The following MLLT10 variants were observed in gnomAD, a reference collection of about 807,000 sequenced individuals.
MLLT10 encodes the protein protein AF-10.
Under a neutral mutation model 129.1 loss-of-function variants are expected in MLLT10, and 30 were observed. The observed-to-expected ratio is 0.23, with a 90% CI of 0.17 to 0.32. The LOEUF (loss-of-function observed/expected upper bound fraction) is 0.32, where lower values mean the gene tolerates loss of function less well. MLLT10 is among the 10% of genes least tolerant of loss of function. The probability of loss-of-function intolerance (pLI) is 1.00; values close to 1 mark genes in which losing one functional copy is unlikely to be tolerated. For missense variants in MLLT10, 1,119 were observed against 1,268.3 expected, an observed-to-expected ratio of 0.88 and a Z score of 1.79; for synonymous variants, 490 against 446.4, an observed-to-expected ratio of 1.10 and a Z score of -1.23.
intron 13 of MLLT10, among the ~76,000 whole-genome samples, chr10:21,698,429 C>T (rs558984502): frequency 3.9e-5 from 6 of 152,244 alleles, no homozygotes; most frequent in African/African-American, 9.6e-5. Flanking sequence ...AATAGTATTC[C>T]ACTGTGTGTA....
intron 2 of MLLT10, among the ~76,000 whole-genome samples, chr10:21,535,229 C>T (rs2033719037): frequency 6.6e-6 from 1 of 152,236 alleles, no homozygotes; most frequent in African/African-American, 2.4e-5. Flanking sequence ...GGCCTGCAGC[C>T]GCCTGTCTGC....
At chr10:21,589,470 G>T (rs2042295770) in intron 4 of MLLT10, among the ~76,000 whole-genome samples, 1 of 151,886 alleles carries the variant, frequency 6.6e-6, no homozygotes, top group South Asian at 2.1e-4. Flanking sequence ...GGAATTACAG[G>T]AATGAGCCAC....
intron 17 of MLLT10, among the ~76,000 whole-genome samples, 174 bp from the exon 18 acceptor site, chr10:21,732,725 T>G (rs1254838265): frequency 6.6e-6 from 1 of 152,214 alleles, no homozygotes; most frequent in Non-Finnish European, 1.5e-5. Flanking sequence ...CAAACATAGA[T>G]AGGCAATTTA....
chr10:21,535,101 C>T (rs1441505983), intron 2 of MLLT10, among the ~76,000 whole-genome samples: 25 of 135,388 alleles, frequency 1.8e-4, no homozygotes, highest in African/African-American at 6.3e-4. Flanking sequence ...GCGGCCGCGC[C>T]CTCGAGATCT....
intron 3 of MLLT10, among the ~76,000 whole-genome samples, chr10:21,549,361 T>C (rs1022636591): frequency 1.3e-5 from 2 of 152,130 alleles, no homozygotes; most frequent in Non-Finnish European, 2.9e-5. Flanking sequence ...CCGCCCGCCT[T>C]GGCCTCCCAA....
intron 3 of MLLT10, among the ~76,000 whole-genome samples, chr10:21,562,818 G>GTTT (rs1163404490): frequency 9.7e-5 from 8 of 82,594 alleles, no homozygotes; most frequent in East Asian, 3.4e-4. Flanking sequence ...TGTTTTTTTT[G>GTTT]TTTTTTTTTT....
intron 18 of MLLT10, 86 bp from the exon 19 acceptor site, chr10:21,733,418 C>T (rs1375049840): frequency 2.3e-6 from 2 of 855,252 alleles, no homozygotes; most frequent in Non-Finnish European, 3.4e-6. Context: ...CGGGCTTCAG[C>T]ATAAGCTTTT....
At chr10:21,565,035 C>T (rs2039377659) in intron 3 of MLLT10, among the ~76,000 whole-genome samples, 1 of 151,956 alleles carries the variant, frequency 6.6e-6, no homozygotes, top group Non-Finnish European at 1.5e-5. Flanking sequence ...TTTTCTTTTA[C>T]ATATTTTGTA....
chr10:21,605,040 AGCCACTTCACTGCAGCCTAG>A (rs1389591701), intron 5 of MLLT10, among the ~76,000 whole-genome samples: 4 of 151,704 alleles, frequency 2.6e-5, no homozygotes, highest in Non-Finnish European at 5.9e-5. Context: ...ACCTGTGAAC[AGCCACTTCACTGCAGCCTAG>A]GCAACATAGT....
chr10:21,676,764 G>T (rs2052200839), intron 11 of MLLT10, among the ~76,000 whole-genome samples: 2 of 125,706 alleles, frequency 1.6e-5, no homozygotes, highest in Admixed American at 8.8e-5. Context: ...AAATTACTCT[G>T]AAGATATTTT....
intron 3 of MLLT10, chr10:21,557,073 T>A: frequency 7.1e-7 from 1 of 1,415,546 alleles, no homozygotes; most frequent in Non-Finnish European, 9.2e-7. Flanking sequence ...CTCACAAACA[T>A]TTTTGAATCA....
At chr10:21,534,583 TG>T (rs1164818289) in intron 1 of MLLT10, 61 bp from the exon 2 acceptor site, 14 of 1,267,206 alleles carry the variant, frequency 1.1e-5, no homozygotes, top group African/African-American at 4.4e-5. Context: ...GGGGGCTGTG[TG>T]GGGGGGAAGC....
chr10:21,693,913 G>A (rs1251219140), intron 13 of MLLT10, among the ~76,000 whole-genome samples: 1 of 152,062 alleles, frequency 6.6e-6, no homozygotes, highest in South Asian at 2.1e-4. Flanking sequence ...ATTGAGTGAA[G>A]AATTTTAGTG....
chr10:21,682,158 G>GCTATGT, intron 12 of MLLT10, 67 bp from the exon 13 acceptor site: 1 of 1,295,364 alleles, frequency 7.7e-7, no homozygotes, highest in Non-Finnish European at 1.1e-6. Flanking sequence ...TCAGTGTATG[G>GCTATGT]CTATGTATTT....
chr10:21,699,681 C>A (rs1249535239), intron 13 of MLLT10, among the ~76,000 whole-genome samples: 1 of 148,404 alleles, frequency 6.7e-6, no homozygotes, highest in Non-Finnish European at 1.5e-5. Flanking sequence ...AATCAGTTGG[C>A]TGTAAAAAAA....
At chr10:21,578,005 C>T (rs1199651938) in intron 3 of MLLT10, among the ~76,000 whole-genome samples, 9 of 151,892 alleles carry the variant, frequency 5.9e-5, no homozygotes, top group African/African-American at 1.9e-4. Flanking sequence ...AAGCGATTCT[C>T]GTGCCTCAGC....
chr10:21,615,452 C>A, intron 7 of MLLT10, among the ~76,000 whole-genome samples: 1 of 111,728 alleles, frequency 9.0e-6, no homozygotes, highest in Admixed American at 1.2e-4. Context: ...AGTGAGACTC[C>A]GTCTCAAAAA....
intron 3 of MLLT10, among the ~76,000 whole-genome samples, chr10:21,548,547 T>A (rs1028565214): frequency 6.6e-6 from 1 of 152,074 alleles, no homozygotes; most frequent in Non-Finnish European, 1.5e-5. Context: ...TTTTGTGTAT[T>A]TTTAGCAGAG....
At chr10:21,700,353 C>G (rs1304849559) in intron 13 of MLLT10, among the ~76,000 whole-genome samples, 1 of 152,006 alleles carries the variant, frequency 6.6e-6, no homozygotes, top group African/African-American at 2.4e-5. Flanking sequence ...ACTTGGATGC[C>G]TGTTATTTCT....
Sources: gnomAD v4.1 joint callset for allele counts (sites outside exome capture counted in the v4.1 genomes callset) on GRCh38, gnomAD v4.1.1 for gene constraint, MANE v1.5 for transcripts, NCBI Gene and HGNC (gene_info 2026-07-23, HGNC 2026-07-21) for gene names.